Variants in PUF60 observed in about 807,000 individuals in gnomAD.
PUF60 encodes poly(U)-binding-splicing factor PUF60.
In PUF60, 10 loss-of-function variants were observed where a neutral mutation model predicts 61.8. The observed-to-expected ratio is 0.16, with a 90% CI of 0.10 to 0.27. The LOEUF (loss-of-function observed/expected upper bound fraction) is 0.27, where lower values mean the gene tolerates loss of function less well. Among genes scored for constraint, PUF60 ranks in the 10% least tolerant of loss-of-function variants. The pLI is 1.00. For missense variants in PUF60, 371 were observed against 754.0 expected (o/e 0.49, Z 5.95); for synonymous variants, 353 against 300.9 (o/e 1.17, Z -1.79).
At chr8:143,824,441 C>T in intron 1 of PUF60, 42 bp from the exon 2 acceptor site, 3 of 1,590,648 alleles carry the variant, frequency 1.9e-6, no homozygotes, top group South Asian at 2.2e-5. Context: ...GGCACACCAC[C>T]CCACCGCCCA....
chr8:143,823,077 G>A (rs1407202422), intron 2 of PUF60: 9 of 170,510 alleles, frequency 5.3e-5, no homozygotes, highest in Non-Finnish European at 1.0e-4. Flanking sequence ...CCCCTCCCCA[G>A]GCAACCAGAG....
At position 143,817,263 on chromosome 8, in the gene PUF60, G is replaced by C; in HGVS notation, c.1144+68C>G. On this transcript the variant is annotated intron_variant, in intron 10 of 11. Transcript: ENST00000526683. This position sits in a 1 kb window ranked among gnomAD's most constrained non-coding sequence, Gnocchi z 7.4. ...GTGCCCAGACCACCAGGGCCAGGCA[G>C]CTGAGGGCAGCGAGCCGAGAGATGC... 1 of 1,541,380 alleles carries C rather than the reference G, an allele frequency of 6.5e-7. No homozygotes were observed. The highest frequency in any genetic ancestry group is 8.7e-7 in the Non-Finnish European group (1 of 1,146,356).
Position 143,817,803 on chromosome 8 carries a change from G to C in PUF60, c.818-21C>G, listed in dbSNP as rs1464112710. 1.9e-6 allele frequency: 3 copies of C among 1,607,556 alleles called. No homozygotes were observed. Among genetic ancestry groups the C allele is most frequent in the Non-Finnish European group, 2.5e-6 (3 of 1,177,468 alleles). ...GTACTCTGTGGGCAGGAGCAGCAGTGAGCAGGGCCAGCCCCAGCCTCAGGT... is the reference window on the plus strand; with the variant it reads ...GTACTCTGTGGGCAGGAGCAGCAGTCAGCAGGGCCAGCCCCAGCCTCAGGT... On this transcript the variant is annotated intron_variant, in intron 8 of 11. Transcript: ENST00000526683. This position sits in a 1 kb window ranked among gnomAD's most constrained non-coding sequence, Gnocchi z 7.4.
intron 4 of PUF60, 118 bp from the exon 5 acceptor site, chr8:143,820,834 C>T (rs1289424624): frequency 5.0e-6 from 5 of 993,910 alleles, no homozygotes; most frequent in Admixed American, 1.7e-5. Context: ...GGGAGGCCGC[C>T]TGCCTTCCCA....
intron 2 of PUF60, chr8:143,823,137 G>T (rs1817215336): frequency 6.0e-6 from 1 of 165,616 alleles, no homozygotes; most frequent in Admixed American, 6.0e-5. Context: ...GGCACCAGGT[G>T]CCCCAGTCCG....
Position 143,816,427 on chromosome 8 carries a change from G to A in PUF60, c.*93C>T. The A allele has an allele frequency of 1.4e-6, 2 of 1,400,716 alleles. No individual in the cohort carries two copies. Among genetic ancestry groups the A allele is most frequent in the Non-Finnish European group, 1.9e-6 (2 of 1,042,882 alleles). The allele number at this position is 1,400,716 out of a possible 1,614,324, so 86.8% of individuals were successfully genotyped here. ...TTATCCGCACTGTAGGCTGGGCTGG[G>A]CAGAGCGCGCCTGGCCCCGGGGACA... is the stretch of plus-strand genomic sequence containing the variant. On this transcript the variant is annotated 3_prime_UTR_variant, in exon 12 of 12. Coordinates refer to ENST00000526683, the MANE Select transcript of PUF60 (RefSeq NM_078480.3).
intron 1 of PUF60, 151 bp from the exon 2 acceptor site, chr8:143,824,550 G>T: frequency 1.4e-6 from 1 of 734,390 alleles, no homozygotes; most frequent in Non-Finnish European, 2.3e-6. Context: ...AGCCCAAACT[G>T]CCCTCTCTTC....
Position 143,824,296 on chromosome 8 carries a change from A to C in PUF60, c.111+17T>G. On this transcript the variant is annotated intron_variant, in intron 2 of 11. Coordinates refer to ENST00000526683, the MANE Select transcript of PUF60 (RefSeq NM_078480.3). Reference sequence around the variant, plus strand: ...CAGGCGGGCGGGCCTGAGGGAGAGGATGCTTAAGGTCAGTACCTGTGGAGG... The same window carrying C: ...CAGGCGGGCGGGCCTGAGGGAGAGGCTGCTTAAGGTCAGTACCTGTGGAGG... 6.3e-7 allele frequency: 1 copy of C among 1,594,540 alleles called. No individual in the cohort carries two copies. The highest frequency in any genetic ancestry group is 8.5e-7 in the Non-Finnish European group (1 of 1,172,446).
intron 2 of PUF60, among the ~76,000 whole-genome samples, chr8:143,823,911 G>A (rs890725641): frequency 6.6e-6 from 1 of 152,282 alleles, no homozygotes; most frequent in Admixed American, 6.5e-5. Context: ...AAACACAGAG[G>A]TCTGAAATGA....
intron 1 of PUF60, chr8:143,827,598 C>G (rs563832694): frequency 2.7e-5 from 10 of 368,744 alleles, no homozygotes; most frequent in Non-Finnish European, 3.8e-5. Context: ...ACGGTGGGAA[C>G]AGATAACCCT....
intron 2 of PUF60, 45 bp downstream of exon 2, chr8:143,824,268 G>A (rs551176639): frequency 6.5e-5 from 95 of 1,464,744 alleles, no homozygotes; most frequent in South Asian, 1.2e-4. Context: ...GCGGGCGGGC[G>A]GGCAGGCGGG....
intron 1 of PUF60, chr8:143,829,024 G>A (rs1554649033): frequency 6.0e-6 from 6 of 999,670 alleles, no homozygotes; most frequent in Admixed American, 6.0e-5. Flanking sequence ...TCGCCCGCAA[G>A]GGCCACACGC....
At chr8:143,819,225 A>G (rs1816737185) in intron 5 of PUF60, among the ~76,000 whole-genome samples, 1 of 152,098 alleles carries the variant, frequency 6.6e-6, no homozygotes, top group East Asian at 1.9e-4. Flanking sequence ...CGGGGGCACC[A>G]TGAGGTAGCA....
chr8:143,818,665 G>A lies in PUF60; in HGVS notation c.349-131C>T, dbSNP rs879094365. ...GGCTCCCCACATGACAGGGAGGTGC[G>A]GGCTCCATCCCTGCAGTCATAGTGT... is the stretch of plus-strand genomic sequence containing the variant. On this transcript the variant is annotated intron_variant, in intron 5 of 11. Coordinates refer to ENST00000526683, the MANE Select transcript of PUF60 (RefSeq NM_078480.3). The surrounding 1 kb of genome is among the most constrained non-coding windows in gnomAD (Gnocchi z 7.9). The A allele has an allele frequency of 4.0e-5, 39 of 985,322 alleles. No individual in the cohort carries two copies. The highest frequency in any genetic ancestry group is 8.5e-5 in the South Asian group (5 of 58,884). 61.0% of individuals were successfully genotyped at this position (985,322 alleles called of 1,614,324 possible).
At chr8:143,821,714 G>A in intron 3 of PUF60, 28 bp from the exon 4 acceptor site, 1 of 1,546,776 alleles carries the variant, frequency 6.5e-7, no homozygotes, top group South Asian at 1.2e-5. Flanking sequence ...GAGGAGCACT[G>A]GGGGCCCAGC....
At chr8:143,827,790 C>G (rs2130445708) in intron 1 of PUF60, among the ~76,000 whole-genome samples, 1 of 152,338 alleles carries the variant, frequency 6.6e-6, no homozygotes, top group East Asian at 1.9e-4. Flanking sequence ...TCAGTTATGG[C>G]CCACGTCCAA....
intron 1 of PUF60, among the ~76,000 whole-genome samples, chr8:143,825,958 G>A (rs978718846): frequency 6.6e-6 from 1 of 152,234 alleles, no homozygotes; most frequent in Non-Finnish European, 1.5e-5. Context: ...GGAAAAGCCG[G>A]CCCACTGGTG....
intron 1 of PUF60, among the ~76,000 whole-genome samples, chr8:143,828,160 T>C (rs1817853055): frequency 6.6e-6 from 1 of 152,198 alleles, no homozygotes; most frequent in Non-Finnish European, 1.5e-5. Flanking sequence ...GTATCTTGTG[T>C]AAATGCCTCT....
intron 1 of PUF60, chr8:143,824,917 C>T (rs1380589875): frequency 1.2e-5 from 2 of 163,488 alleles, no homozygotes; most frequent in South Asian, 1.6e-4. Flanking sequence ...GGTCTGGATG[C>T]GCAGGCCTCC....
Sources: allele counts gnomAD v4.1 joint callset (sites outside exome capture counted in the v4.1 genomes callset), GRCh38; gene constraint gnomAD v4.1.1; non-coding constraint Gnocchi (gnomAD v3.1); transcripts MANE v1.5; gene names NCBI Gene and HGNC (gene_info 2026-07-23, HGNC 2026-07-21).